TEX11: variants seen among roughly 807,000 people sequenced by gnomAD.
TEX11 encodes the protein testis expressed 11.
TEX11 carries 7 observed loss-of-function variants against 84.4 expected under a neutral mutation model. That is an observed-to-expected ratio of 0.08 (90% confidence interval 0.05 to 0.16). The LOEUF is 0.16. TEX11 is among the 10% of genes least tolerant of loss of function. TEX11 has a pLI of 1.00. For missense variants in TEX11, 551 were observed against 660.5 expected, an observed-to-expected ratio of 0.83 and a Z score of 1.82; for synonymous variants, 264 against 222.8, an observed-to-expected ratio of 1.18 and a Z score of -1.64.
rs373683967 is a variant in TEX11 at position 70,749,374 on chromosome X, A to C, written c.693-5155T>G. Among the ~76,000 whole-genome samples, 866 of 110,345 alleles carry C rather than the reference A, an allele frequency of 7.8e-3. 14 individuals carry two copies. Among genetic ancestry groups the C allele is most frequent in the African/African-American group, 0.027 (817 of 30,125 alleles). On this transcript the variant is annotated intron_variant, in intron 9 of 29. Coordinates refer to ENST00000374333, the MANE Select transcript of TEX11 (RefSeq NM_031276.3). The stretch of plus-strand genomic sequence containing the variant: ...CAATCATGTCGTCTGCAAACAGGGA[A>C]AATTTGACTTCCTCTTTTCCTAATT...
At chrX:70,752,449 C>CG (rs1297102058) in intron 9 of TEX11, among the ~76,000 whole-genome samples, 1 of 95,893 alleles carries the variant, frequency 1.0e-5, no homozygotes. Flanking sequence ...TGCTTGAACC[C>CG]GGGGGGCGGA....
At chrX:70,891,961 A>G (rs2091740421) in intron 2 of TEX11, among the ~76,000 whole-genome samples, 1 of 111,461 alleles carries the variant, frequency 9.0e-6, no homozygotes, top group African/African-American at 3.3e-5. Context: ...ACGAAGGAAA[A>G]CATGTTAAGG....
At chrX:70,787,875 C>T (rs1039110039) in intron 9 of TEX11, among the ~76,000 whole-genome samples, 4 of 110,618 alleles carry the variant, frequency 3.6e-5, no homozygotes, top group African/African-American at 1.3e-4. Flanking sequence ...TTTCTAGGCA[C>T]GATCAATGAA....
rs1184291077 is a variant in TEX11 at position 70,725,385 on chromosome X, A to G, written c.844-42T>C. The G allele has an allele frequency of 1.0e-5, 10 of 974,743 alleles. No individual in the cohort carries two copies. The Admixed American group carries it at 2.4e-4, about 23-fold the overall frequency. The allele number at this position is 974,743 out of a possible 1,213,427, so 80.3% of individuals were successfully genotyped here. A position where few individuals can be genotyped will look rare whatever the true frequency, so the allele number is the denominator to read the frequency against. ...AATCACAATGATATTAAAATTGTGGAATGTAAAAGACAATTTTCAAGTAAT... is the reference window on the plus strand; with the variant it reads ...AATCACAATGATATTAAAATTGTGGGATGTAAAAGACAATTTTCAAGTAAT... On this transcript the variant is annotated intron_variant, in intron 11 of 29. Coordinates refer to ENST00000374333, the MANE Select transcript of TEX11 (RefSeq NM_031276.3).
rs1429415194 is a variant in TEX11, at chrX:70,584,472, A to G, written c.2140+7279T>C. Among the ~76,000 whole-genome samples, 3 of 111,984 alleles carry G rather than the reference A, an allele frequency of 2.7e-5. No homozygotes were observed. The Admixed American group carries it at 2.9e-4, about 11-fold the overall frequency. ...CACTGGTGAATTCTTCCAAACATTT[A>G]AAGAAGAATAAACAGCAGTTCTCTC... is the stretch of plus-strand genomic sequence containing the variant. On this transcript the variant is annotated intron_variant, in intron 25 of 29. Coordinates refer to ENST00000374333, the MANE Select transcript of TEX11 (RefSeq NM_031276.3).
intron 15 of TEX11, among the ~76,000 whole-genome samples, chrX:70,677,652 T>C (rs942362677): frequency 9.0e-6 from 1 of 110,892 alleles, no homozygotes; most frequent in African/African-American, 3.3e-5. Context: ...CTTTGTCTTA[T>C]AAATTCTGGC....
At chrX:70,563,259 G>T (rs1219555244) in intron 25 of TEX11, among the ~76,000 whole-genome samples, 1 of 111,620 alleles carries the variant, frequency 9.0e-6, no homozygotes, top group Non-Finnish European at 1.9e-5. Flanking sequence ...GCAAATTAAT[G>T]GAGAGCCAGG....
chrX:70,691,994 A>G (rs1271399637), intron 13 of TEX11, among the ~76,000 whole-genome samples: 1 of 111,762 alleles, frequency 8.9e-6, no homozygotes, highest in Non-Finnish European at 1.9e-5. Flanking sequence ...TAGAGTGTGT[A>G]CAAGAAACTT....
intron 9 of TEX11, among the ~76,000 whole-genome samples, chrX:70,748,895 G>A (rs2090789708): frequency 9.7e-6 from 1 of 102,608 alleles, no homozygotes; most frequent in East Asian, 3.1e-4. Context: ...GATTGACTTG[G>A]CAATGCGGGC....
Position 70,871,797 on chromosome X carries a change from T to C in TEX11, c.244+1426A>G, listed in dbSNP as rs180774005. On this transcript the variant is annotated intron_variant, in intron 4 of 29. Coordinates refer to ENST00000374333, the MANE Select transcript of TEX11 (RefSeq NM_031276.3). ...TATCTCTTGCTTTTCCCTCTTCTTCTCTCCCCTCTTGCCTTTCTCCTCTTC... is the reference window on the plus strand; with the variant it reads ...TATCTCTTGCTTTTCCCTCTTCTTCCCTCCCCTCTTGCCTTTCTCCTCTTC... 6.9e-3 allele frequency among the ~76,000 whole-genome samples: 741 copies of C among 106,645 alleles called. 3 individuals are homozygous for C. Among genetic ancestry groups the C allele is most frequent in the Middle Eastern group, 0.014 (3 of 208 alleles). The allele number at this position is 106,645 out of a possible 115,157, so 92.6% of individuals were successfully genotyped here. A position where few individuals can be genotyped will look rare whatever the true frequency, so the allele number is the denominator to read the frequency against.
At chrX:70,820,829 C>T (rs913893347) in intron 8 of TEX11, among the ~76,000 whole-genome samples, 2 of 111,709 alleles carry the variant, frequency 1.8e-5, no homozygotes, top group Non-Finnish European at 3.8e-5. Flanking sequence ...TTGGAGATTA[C>T]GCTTCAACAT....
chrX:70,512,309 C>G, the TEX11 span, among the ~76,000 whole-genome samples: 1 of 108,187 alleles, frequency 9.2e-6, no homozygotes, highest in African/African-American at 3.4e-5. Context: ...AACTCCACCT[C>G]CTGAGTTCAA....
intron 2 of TEX11, among the ~76,000 whole-genome samples, chrX:70,898,138 C>T (rs904868911): frequency 2.0e-4 from 22 of 111,586 alleles, no homozygotes; most frequent in African/African-American, 6.8e-4. Flanking sequence ...GAGGATTGCA[C>T]TACCAAAGGT....
intron 18 of TEX11, 72 bp from the exon 19 acceptor site, chrX:70,624,996 T>C (rs1603159441): frequency 1.4e-6 from 1 of 732,212 alleles, no homozygotes; most frequent in Non-Finnish European, 2.0e-6. Flanking sequence ...TATATTCCTG[T>C]TCATTAAAGA....
intron 25 of TEX11, among the ~76,000 whole-genome samples, chrX:70,564,890 C>A (rs1180527245): frequency 1.8e-5 from 2 of 110,052 alleles, no homozygotes; most frequent in Non-Finnish European, 3.8e-5. Flanking sequence ...TTTATAGCAG[C>A]ATGATTTATA....
intron 28 of TEX11, among the ~76,000 whole-genome samples, chrX:70,546,644 A>C (rs2088129750): frequency 9.0e-6 from 1 of 111,459 alleles, no homozygotes; most frequent in African/African-American, 3.3e-5. Context: ...GATCATCACC[A>C]TTAGCCATCA....
intron 9 of TEX11, among the ~76,000 whole-genome samples, chrX:70,747,902 T>A (rs1013324986): frequency 2.7e-5 from 3 of 111,380 alleles, no homozygotes; most frequent in African/African-American, 9.7e-5. Flanking sequence ...CTAATGCTTA[T>A]TATTTTTTAA....
At chrX:70,837,830 C>T (rs73546718) in intron 7 of TEX11, among the ~76,000 whole-genome samples, 4,068 of 111,499 alleles carry the variant, frequency 0.036, 178 homozygotes, top group African/African-American at 0.12. Flanking sequence ...TGTTCTGTAT[C>T]TTGATTGTGG....
chrX:70,680,812 C>T (rs937788703), intron 14 of TEX11, among the ~76,000 whole-genome samples: 7 of 111,745 alleles, frequency 6.3e-5, no homozygotes, highest in Non-Finnish European at 9.4e-5. Flanking sequence ...CTCTTTTTAA[C>T]TGATTTTCCA....
Sources: allele counts gnomAD v4.1 joint callset (sites outside exome capture counted in the v4.1 genomes callset), GRCh38; gene constraint gnomAD v4.1.1; transcripts MANE v1.5; gene names NCBI Gene and HGNC (gene_info 2026-07-23, HGNC 2026-07-21).